ARPC5: variants seen among roughly 807,000 people sequenced by gnomAD.
ARPC5 encodes actin related protein 2/3 complex subunit 5.
Under a neutral mutation model 15.4 loss-of-function variants are expected in ARPC5, and 5 were observed. The observed-to-expected ratio is 0.32, with a 90% CI of 0.17 to 0.68. ARPC5 has a LOEUF of 0.68. Among genes scored for constraint, ARPC5 ranks in the 30% least tolerant of loss-of-function variants. The pLI is 0.71. For synonymous variants in ARPC5, 85 were observed against 72.2 expected (o/e 1.18, Z -0.90); for missense variants, 138 against 192.8 (o/e 0.72, Z 1.68).
intron 2 of ARPC5, chr1:183,632,201 T>A (rs1649287759): frequency 6.6e-6 from 1 of 152,194 alleles, no homozygotes; most frequent in African/African-American, 2.4e-5. Context: ...GACAACGGGG[T>A]TGATGCTATG....
At chr1:183,632,958 T>C in intron 2 of ARPC5, 124 bp downstream of exon 2, 3 of 756,976 alleles carry the variant, frequency 4.0e-6, no homozygotes, top group Non-Finnish European at 6.4e-6. Context: ...TCAAACTACA[T>C]TATAAACTCT....
intron 1 of ARPC5, among the ~76,000 whole-genome samples, chr1:183,634,417 C>G (rs1037977373): frequency 3.3e-5 from 5 of 152,234 alleles, no homozygotes; most frequent in African/African-American, 1.2e-4. Context: ...AATATTTTCA[C>G]TCTCATATTT....
Position 183,633,089 on chromosome 1 carries a change from G to A in ARPC5, c.209C>T (p.Ala70Val). Residue 70 changes from alanine to valine, a missense_variant, in exon 2 of 4, where the codon GCA becomes GTA. Transcript: ENST00000359856. The part of the protein sequence containing the change: ...KNPPINTKSQ[A>V]VKDRAGSIVL... Reference sequence around the variant, plus strand: ...TTGTAGTCTGCGACTCACCTTCACTGCCTGACTCTTGGTGTTGATAGGGGG... The same window carrying A: ...TTGTAGTCTGCGACTCACCTTCACTACCTGACTCTTGGTGTTGATAGGGGG... 1 of 1,604,602 alleles carries A rather than the reference G, an allele frequency of 6.2e-7. No homozygotes were observed. Among genetic ancestry groups the A allele is most frequent in the Non-Finnish European group, 8.5e-7 (1 of 1,175,610 alleles).
At position 183,623,526 on chromosome 1, in the gene ARPC5, G is replaced by A; in HGVS notation, c.*4006C>T. 17 of 1,549,990 alleles carry A rather than the reference G, an allele frequency of 1.1e-5. No individual in the cohort carries two copies. Among genetic ancestry groups the A allele is most frequent in the Non-Finnish European group, 1.5e-5 (17 of 1,146,660 alleles). On this transcript the variant is annotated 3_prime_UTR_variant, in exon 4 of 4. Coordinates refer to ENST00000359856, the MANE Select transcript of ARPC5 (RefSeq NM_005717.4). ...TCACATATTGTACTAGTGACATTGG[G>A]GTGAGGGGGAGAGGGAGTGGGGCAG...
chr1:183,635,514 T>G lies in ARPC5; in HGVS notation c.143+3A>C. 1 of 1,609,680 alleles carries G rather than the reference T, an allele frequency of 6.2e-7. No homozygotes were observed. The highest frequency in any genetic ancestry group is 8.5e-7 in the Non-Finnish European group (1 of 1,178,398). On this transcript the variant is annotated splice_donor_region_variant and intron_variant, in intron 1 of 3. Transcript: ENST00000359856. ...GTGGGGAGGGCGGTGAATGCAAGGA[T>G]ATTGCCGCAGGCAGGAGTCCACCTC...
chr1:183,635,674 G>A lies in ARPC5; in HGVS notation c.-15C>T. 6.2e-7 allele frequency: 1 copy of A among 1,608,602 alleles called. No homozygotes were observed. The highest frequency in any genetic ancestry group is 8.5e-7 in the Non-Finnish European group (1 of 1,177,306). ...TTCTTCGACATCCCAATCCCGACCAGCGGCAAAGGCCTCTTCTTGGCGCTG... is the reference window on the plus strand; with the variant it reads ...TTCTTCGACATCCCAATCCCGACCAACGGCAAAGGCCTCTTCTTGGCGCTG... On this transcript the variant is annotated 5_prime_UTR_variant, in exon 1 of 4. Coordinates refer to ENST00000359856, the MANE Select transcript of ARPC5 (RefSeq NM_005717.4).
intron 2 of ARPC5, chr1:183,630,840 A>C: frequency 2.1e-6 from 1 of 476,296 alleles, no homozygotes; most frequent in Non-Finnish European, 3.6e-6. Context: ...CAGGAACAGA[A>C]AAAAACCCAA....
intron 2 of ARPC5, chr1:183,632,711 A>G (rs924103398): frequency 1.3e-5 from 2 of 149,420 alleles, no homozygotes; most frequent in African/African-American, 6.3e-5. Context: ...TGAGCTTTCT[A>G]TAATAAGTAT....
chr1:183,635,523 A>C lies in ARPC5; in HGVS notation c.137T>G (p.Leu46Arg). 4 of 1,611,444 alleles carry C rather than the reference A, an allele frequency of 2.5e-6. No individual in the cohort carries two copies. The highest frequency in any genetic ancestry group is 3.4e-6 in the Non-Finnish European group (4 of 1,179,130). ...GCGGTGAATGCAAGGATATTGCCGC[A>C]GGCAGGAGTCCACCTCGCCCTCGTC... The part of the protein sequence containing the change: ...GPDEGEVDSC[L>R]RQGNMTAALQ... The change falls in exon 1 of 4, where the codon CTG becomes CGG. Residue 46 changes from leucine (L) to arginine (R), a missense_variant. Leu to Arg is a moderately radical substitution (Grantham distance 102). Transcript: ENST00000359856.
rs1230856043 is a variant in ARPC5, at chr1:183,626,481, C to T, written c.*1051G>A. The T allele has an allele frequency of 6.6e-6, 1 of 152,568 alleles. No homozygotes were observed. Among genetic ancestry groups the T allele is most frequent in the Non-Finnish European group, 1.5e-5 (1 of 68,032 alleles). The allele number at this position is 152,568 out of a possible 1,614,324, so 9.5% of individuals were successfully genotyped here. On this transcript the variant is annotated 3_prime_UTR_variant, in exon 4 of 4. Coordinates refer to ENST00000359856, the MANE Select transcript of ARPC5 (RefSeq NM_005717.4). The stretch of plus-strand genomic sequence containing the variant: ...GATTTGGTTTGTCCAACAAAGTAAA[C>T]AATTTTTTGCTGTGTGGCAGTTTCT...
At position 183,623,603 on chromosome 1, in the gene ARPC5, G is replaced by C; in HGVS notation, c.*3929C>G. On this transcript the variant is annotated 3_prime_UTR_variant, in exon 4 of 4. Transcript: ENST00000359856. ...AAGCAGCCTTGTTTAAGGGCACTTG[G>C]TTCTACAGAGGCCGTTGGTCTGTTC... is the stretch of plus-strand genomic sequence containing the variant. 8.0e-7 allele frequency: 1 copy of C among 1,257,544 alleles called. No individual in the cohort carries two copies. 77.9% of individuals were successfully genotyped at this position (1,257,544 alleles called of 1,614,324 possible). A position where few individuals can be genotyped will look rare whatever the true frequency, so the allele number is the denominator to read the frequency against.
chr1:183,634,060 A>T (rs776930229), intron 1 of ARPC5: 5 of 152,260 alleles, frequency 3.3e-5, no homozygotes, highest in Admixed American at 6.5e-5. Context: ...ACCATTTAAA[A>T]GTCACCACAA....
intron 2 of ARPC5, 179 bp downstream of exon 2, chr1:183,632,903 A>G (rs1649306294): frequency 6.0e-6 from 3 of 496,426 alleles, no homozygotes; most frequent in South Asian, 2.8e-5. Context: ...CAGCATTATC[A>G]TAACTACATT....
chr1:183,634,657 A>G (rs898067229), intron 1 of ARPC5, among the ~76,000 whole-genome samples: 1 of 152,236 alleles, frequency 6.6e-6, no homozygotes, highest in Non-Finnish European at 1.5e-5. Context: ...ACTAAAATGG[A>G]AACAATTTTA....
chr1:183,635,690 C>G lies in ARPC5; in HGVS notation c.-31G>C, dbSNP rs750782028. The G allele has an allele frequency of 6.2e-7, 1 of 1,602,510 alleles. No individual in the cohort carries two copies. The highest frequency in any genetic ancestry group is 8.5e-7 in the Non-Finnish European group (1 of 1,173,866). Reference sequence around the variant, plus strand: ...TCCCGACCAGCGGCAAAGGCCTCTTCTTGGCGCTGCCTCTACCTCAGCAAG... The same window carrying G: ...TCCCGACCAGCGGCAAAGGCCTCTTGTTGGCGCTGCCTCTACCTCAGCAAG... On this transcript the variant is annotated 5_prime_UTR_variant, in exon 1 of 4. Transcript: ENST00000359856.
rs12041487 is a variant in ARPC5, at chr1:183,622,415, C to G, written c.*5117G>C. The G allele has an allele frequency of 3.3e-5, 5 of 152,064 alleles. No homozygotes were observed. 9.4% of individuals were successfully genotyped at this position (152,064 alleles called of 1,614,324 possible). A position where few individuals can be genotyped will look rare whatever the true frequency, so the allele number is the denominator to read the frequency against. The stretch of plus-strand genomic sequence containing the variant: ...TCTTAGTTGCCCTGGCATCTTGATT[C>G]AATTTTTGGAGAAACAAAAGGAAGT... On this transcript the variant is annotated 3_prime_UTR_variant, in exon 4 of 4. Coordinates refer to ENST00000359856, the MANE Select transcript of ARPC5 (RefSeq NM_005717.4).
rs980195197 is a variant in ARPC5 at position 183,621,157 on chromosome 1, G to A, written c.*6375C>T. The A allele has an allele frequency of 6.6e-6, 1 of 152,110 alleles. No homozygotes were observed. Among genetic ancestry groups the A allele is most frequent in the African/African-American group, 2.4e-5 (1 of 41,424 alleles). The allele number at this position is 152,110 out of a possible 1,614,324, so 9.4% of individuals were successfully genotyped here. On this transcript the variant is annotated 3_prime_UTR_variant, in exon 4 of 4. Transcript: ENST00000359856. ...GACAAACACATAGAATAGGTAAAGG[G>A]GTGGGAAAACATGCATTCTTCTACA...
chr1:183,628,653 T>C (rs778583571), intron 3 of ARPC5, among the ~76,000 whole-genome samples: 26 of 152,202 alleles, frequency 1.7e-4, no homozygotes, highest in Non-Finnish European at 3.1e-4. Flanking sequence ...GAGAGGCTTA[T>C]ACCCAGATTA....
At position 183,625,867 on chromosome 1, in the gene ARPC5, T is replaced by G. The variant is rs953699450; in HGVS notation, c.*1665A>C. On this transcript the variant is annotated 3_prime_UTR_variant, in exon 4 of 4. Transcript: ENST00000359856. ...GAGTAGGTAAGTACAAGAAATAGAT[T>G]TGAGGTGAAAGAAAGAGAATTTTGG... 1 of 152,166 alleles carries G rather than the reference T, an allele frequency of 6.6e-6. No individual in the cohort carries two copies. The highest frequency in any genetic ancestry group is 1.9e-4 in the East Asian group (1 of 5,200). 9.4% of individuals were successfully genotyped at this position (152,166 alleles called of 1,614,324 possible).
Sources: gnomAD v4.1 joint callset for allele counts (sites outside exome capture counted in the v4.1 genomes callset) on GRCh38, gnomAD v4.1.1 for gene constraint, MANE v1.5 for transcripts, NCBI Gene and HGNC (gene_info 2026-07-23, HGNC 2026-07-21) for gene names.